Variants in CELSR1 observed in about 807,000 individuals in gnomAD.
CELSR1 encodes adhesion G protein-coupled receptor C1.
Under a neutral mutation model 249.1 loss-of-function variants are expected in CELSR1, and 110 were observed. That is an observed-to-expected ratio of 0.44 (90% confidence interval 0.38 to 0.52). CELSR1 has a LOEUF of 0.52. CELSR1 is among the 20% of genes least tolerant of loss of function. The pLI is 0.00. For synonymous variants in CELSR1, 2,113 were observed against 1,900.0 expected, an observed-to-expected ratio of 1.11 and a Z score of -2.92; for missense variants, 4,109 against 4,296.4, an observed-to-expected ratio of 0.96 and a Z score of 1.22.
intron 1 of CELSR1, among the ~76,000 whole-genome samples, chr22:46,498,959 T>A (rs1169491844): frequency 4.0e-5 from 6 of 151,864 alleles, no homozygotes; most frequent in African/African-American, 1.5e-4. Flanking sequence ...GCAGGTGGAC[T>A]ACCTGAGGTC....
In CELSR1 at chr22:46,446,503, T is replaced by C. The variant is rs1569169223; in HGVS notation, c.4184-7092A>G. 6.6e-6 allele frequency among the ~76,000 whole-genome samples: 1 copy of C among 152,108 alleles called. No homozygotes were observed. Among genetic ancestry groups the C allele is most frequent in the Non-Finnish European group, 1.5e-5 (1 of 68,028 alleles). On this transcript the variant is annotated intron_variant, in intron 2 of 34. Transcript: ENST00000674500. This position sits in a 1 kb window ranked among gnomAD's most constrained non-coding sequence, Gnocchi z 5.5. The stretch of plus-strand genomic sequence containing the variant: ...GCTCTGTGCAGGCAATGACAGGGTC[T>C]GTTTGGGGGCCAGTCTGAGACTGTC...
intron 25 of CELSR1, among the ~76,000 whole-genome samples, chr22:46,371,912 TCCAC>T (rs899885639): frequency 2.3e-4 from 32 of 140,582 alleles, no homozygotes; most frequent in African/African-American, 8.6e-4. Flanking sequence ...CATCCCTCCA[TCCAC>T]CCACCCACCC....
At chr22:46,463,028 A>C (rs894174092) in intron 2 of CELSR1, 5 of 364,334 alleles carry the variant, frequency 1.4e-5, no homozygotes, top group African/African-American at 2.2e-5. Context: ...TAAGCCTGCA[A>C]TCTGGAATAA....
chr22:46,478,000 T>C (rs1569191578), intron 1 of CELSR1, among the ~76,000 whole-genome samples: 2 of 152,124 alleles, frequency 1.3e-5, no homozygotes, highest in Non-Finnish European at 2.9e-5. Context: ...CCCCAGGCTA[T>C]GATGACCACA....
In CELSR1 at chr22:46,380,829, C is replaced by T; in HGVS notation, c.7215G>A (p.Glu2405=). Residue 2405 remains glutamate, a synonymous_variant, in exon 22 of 35, where the codon GAG becomes GAA. Transcript: ENST00000674500. The surrounding 1 kb of genome is among the most constrained non-coding windows in gnomAD (Gnocchi z 5.1). ...LVEFALLEVE[E]RTKPVCVFWN... is the part of the protein sequence containing the mutation. ...AGAACACGCAGACAGGCTTGGTTCG[C>T]TCCTCCACCTCCAGCAGGGCGAACT... 6.2e-7 allele frequency: 1 copy of T among 1,611,760 alleles called. No individual in the cohort carries two copies. Among genetic ancestry groups the T allele is most frequent in the Non-Finnish European group, 8.5e-7 (1 of 1,179,832 alleles).
At position 46,447,141 on chromosome 22, in the gene CELSR1, G is replaced by A. The variant is rs1325905040; in HGVS notation, c.4184-7730C>T. ...AACCCTCAGGGAGAATCCTGAATTG[G>A]CGGCATTTGTAAACACTCCCACCAA... On this transcript the variant is annotated intron_variant, in intron 2 of 34. Coordinates refer to ENST00000674500, the MANE Select transcript of CELSR1 (RefSeq NM_001378328.1). The surrounding 1 kb of genome is among the most constrained non-coding windows in gnomAD (Gnocchi z 4.7). Among the ~76,000 whole-genome samples the A allele has an allele frequency of 6.6e-6, 1 of 152,100 alleles. No homozygotes were observed. The highest frequency in any genetic ancestry group is 1.5e-5 in the Non-Finnish European group (1 of 68,018).
Position 46,454,439 on chromosome 22 carries a change from G to A in CELSR1, c.4183+9268C>T, listed in dbSNP as rs988863179. ...GCATCCCTCCAGTGCACGCACAGAC[G>A]CCCATGACCCGCAGCCAGCCCGGCC... is the stretch of plus-strand genomic sequence containing the variant. On this transcript the variant is annotated intron_variant, in intron 2 of 34. Coordinates refer to ENST00000674500, the MANE Select transcript of CELSR1 (RefSeq NM_001378328.1). This position sits in a 1 kb window ranked among gnomAD's most constrained non-coding sequence, Gnocchi z 5.1. 2.0e-5 allele frequency among the ~76,000 whole-genome samples: 3 copies of A among 152,190 alleles called. No homozygotes were observed. The highest frequency in any genetic ancestry group is 2.1e-4 in the South Asian group (1 of 4,828).
chr22:46,371,956 T>TC (rs2147183718), intron 25 of CELSR1, among the ~76,000 whole-genome samples: 1 of 97,392 alleles, frequency 1.0e-5, no homozygotes, highest in East Asian at 3.7e-4. Context: ...CCTTCATCCC[T>TC]CCCATCCATC....
In CELSR1 at chr22:46,393,891, G is replaced by A. The variant is rs1371852085; in HGVS notation, c.5964+251C>T. Among the ~76,000 whole-genome samples, 3 of 152,222 alleles carry A rather than the reference G, an allele frequency of 2.0e-5. No homozygotes were observed. Among genetic ancestry groups the A allele is most frequent in the Non-Finnish European group, 4.4e-5 (3 of 68,038 alleles). On this transcript the variant is annotated intron_variant, in intron 14 of 34. Coordinates refer to ENST00000674500, the MANE Select transcript of CELSR1 (RefSeq NM_001378328.1). This position sits in a 1 kb window ranked among gnomAD's most constrained non-coding sequence, Gnocchi z 4.1. ...AGGCAGGGATTCCTGTTCCACGGGC[G>A]GGGGCTGGCAGGGCTGAACCCGTAG... is the stretch of plus-strand genomic sequence containing the variant.
At chr22:46,366,532 C>A (rs957843773) in intron 29 of CELSR1, 52 bp from the exon 30 acceptor site, 1 of 1,373,714 alleles carries the variant, frequency 7.3e-7, no homozygotes, top group African/African-American at 1.4e-5. Context: ...ACCACATGAC[C>A]ACCACGGGGA....
chr22:46,474,081 C>T (rs1427346253), intron 1 of CELSR1, among the ~76,000 whole-genome samples: 2 of 152,178 alleles, frequency 1.3e-5, no homozygotes, highest in African/African-American at 2.4e-5. Flanking sequence ...ACGAGCGTCT[C>T]CAGCAAGCCG....
chr22:46,381,204 G>C lies in CELSR1; in HGVS notation c.7089-249C>G, dbSNP rs1178733199. 6.6e-6 allele frequency among the ~76,000 whole-genome samples: 1 copy of C among 152,138 alleles called. No homozygotes were observed. Among genetic ancestry groups the C allele is most frequent in the African/African-American group, 2.4e-5 (1 of 41,424 alleles). On this transcript the variant is annotated intron_variant, in intron 21 of 34. Coordinates refer to ENST00000674500, the MANE Select transcript of CELSR1 (RefSeq NM_001378328.1). The surrounding 1 kb of genome is among the most constrained non-coding windows in gnomAD (Gnocchi z 6.0). ...GACTTCAGAAATTTAAAAAGAAAGA[G>C]AAGGCACAGGTGCAAAGATGTCACA...
Position 46,409,199 on chromosome 22 carries a change from G to A in CELSR1, c.5060-37C>T, listed in dbSNP as rs780060609. The A allele has an allele frequency of 2.6e-5, 42 of 1,603,870 alleles. No individual in the cohort carries two copies. In the Admixed American group the frequency reaches 2.7e-4, roughly 10 times the overall value. On this transcript the variant is annotated intron_variant, in intron 8 of 34. Transcript: ENST00000674500. This position sits in a 1 kb window ranked among gnomAD's most constrained non-coding sequence, Gnocchi z 9.8. Reference sequence around the variant, plus strand: ...GGCCCAGGGACCTCAGGTGTCTCCCGAAATCACACGGCCGCGGACTTGGCT... The same window carrying A: ...GGCCCAGGGACCTCAGGTGTCTCCCAAAATCACACGGCCGCGGACTTGGCT...
At chr22:46,523,476 TGA>T (rs1334032415) in intron 1 of CELSR1, among the ~76,000 whole-genome samples, 1 of 151,748 alleles carries the variant, frequency 6.6e-6, no homozygotes, top group Non-Finnish European at 1.5e-5. Flanking sequence ...TGCAGTGGGC[TGA>T]GATTGCACCA....
At chr22:46,529,804 A>G (rs79896335) in intron 1 of CELSR1, among the ~76,000 whole-genome samples, 1 of 148,912 alleles carries the variant, frequency 6.7e-6, no homozygotes, top group African/African-American at 2.4e-5. Flanking sequence ...CTCCATCTCA[A>G]AAAAAAAAAA....
At chr22:46,495,629 A>G (rs2080405478) in intron 1 of CELSR1, among the ~76,000 whole-genome samples, 1 of 151,826 alleles carries the variant, frequency 6.6e-6, no homozygotes, top group African/African-American at 2.4e-5. Context: ...TGAGGTCAGC[A>G]GTTCGAGACC....
At chr22:46,439,128 C>A (rs1329933043) in intron 3 of CELSR1, 61 bp downstream of exon 3, 1 of 1,475,098 alleles carries the variant, frequency 6.8e-7, no homozygotes, top group Non-Finnish European at 9.3e-7. Flanking sequence ...ATGGGGTGCA[C>A]GGAGAAGCTC....
intron 1 of CELSR1, among the ~76,000 whole-genome samples, chr22:46,499,339 C>G (rs971799982): frequency 6.6e-6 from 1 of 152,060 alleles, no homozygotes; most frequent in African/African-American, 2.4e-5. Context: ...ACATCTGAAA[C>G]GAAGCTTCCT....
At position 46,408,241 on chromosome 22, in the gene CELSR1, C is replaced by T. The variant is rs994473717; in HGVS notation, c.5226+755G>A. Among the ~76,000 whole-genome samples the T allele has an allele frequency of 4.6e-5, 7 of 152,220 alleles. No individual in the cohort carries two copies. Among genetic ancestry groups the T allele is most frequent in the Non-Finnish European group, 1.0e-4 (7 of 68,034 alleles). On this transcript the variant is annotated intron_variant, in intron 9 of 34. Transcript: ENST00000674500. This position sits in a 1 kb window ranked among gnomAD's most constrained non-coding sequence, Gnocchi z 4.6. ...AGATCAATAAGACAGAGAAAACAGG[C>T]AGACAGCGACAGAGCGGGGCTTTAG...
Sources: allele counts gnomAD v4.1 joint callset (sites outside exome capture counted in the v4.1 genomes callset), GRCh38; gene constraint gnomAD v4.1.1; non-coding constraint Gnocchi (gnomAD v3.1); transcripts MANE v1.5; gene names NCBI Gene and HGNC (gene_info 2026-07-23, HGNC 2026-07-21).